The following FRYL variants were observed in gnomAD, a reference collection of about 807,000 sequenced individuals.
The protein encoded by FRYL is FRY like transcription coactivator.
Under a neutral mutation model 351.2 loss-of-function variants are expected in FRYL, and 150 were observed. That is an observed-to-expected ratio of 0.43 (90% CI 0.37 to 0.49). The LOEUF (loss-of-function observed/expected upper bound fraction) is 0.49, where lower values mean the gene tolerates loss of function less well. FRYL is among the 20% of genes least tolerant of loss of function. The probability of loss-of-function intolerance (pLI) is 0.00; values close to 1 mark genes in which losing one functional copy is unlikely to be tolerated. For missense variants in FRYL, 3,036 were observed against 3,619.3 expected (o/e 0.84, Z 4.13); for synonymous variants, 1,153 against 1,257.1 (o/e 0.92, Z 1.75).
At chr4:48,745,353 C>T (rs1210237124) in intron 1 of FRYL, among the ~76,000 whole-genome samples, 1 of 152,128 alleles carries the variant, frequency 6.6e-6, no homozygotes, top group East Asian at 1.9e-4. Flanking sequence ...GGAACCAACC[C>T]AAATGTCCAT....
chr4:48,519,738 CT>C (rs777721981), intron 55 of FRYL, among the ~76,000 whole-genome samples: 24 of 145,310 alleles, frequency 1.7e-4, no homozygotes, highest in Non-Finnish European at 2.6e-4. Context: ...CTCTCTCGCT[CT>C]TTTTTTTTTC....
chr4:48,520,273 TG>T (rs1724627291), intron 55 of FRYL, among the ~76,000 whole-genome samples: 1 of 152,248 alleles, frequency 6.6e-6, no homozygotes, highest in Admixed American at 6.5e-5. Flanking sequence ...AAAATATGTC[TG>T]GTTACTGTTA....
intron 2 of FRYL, among the ~76,000 whole-genome samples, chr4:48,688,712 G>C (rs1248274920): frequency 7.0e-6 from 1 of 142,734 alleles, no homozygotes; most frequent in African/African-American, 2.6e-5. Context: ...TGCCAGGCTG[G>C]AGTACAGTGG....
rs1358127779 is a variant in FRYL at position 48,514,989 on chromosome 4, T to G, written c.7937+39A>C. 7.1e-6 allele frequency: 11 copies of G among 1,558,628 alleles called. 1 individual carries two copies. In the South Asian group the frequency reaches 1.3e-4, roughly 18 times the overall value. On this transcript the variant is annotated intron_variant, in intron 56 of 63. Coordinates refer to ENST00000358350, the MANE Select transcript of FRYL (RefSeq NM_015030.2). Reference sequence around the variant, plus strand: ...TCTTTGGAAGGAATAGGGGAGAGATTATCCCCTCACTACAGTGTTTATGAT... The same window carrying G: ...TCTTTGGAAGGAATAGGGGAGAGATGATCCCCTCACTACAGTGTTTATGAT...
intron 4 of FRYL, among the ~76,000 whole-genome samples, chr4:48,624,237 TA>T (rs933746074): frequency 2.6e-5 from 4 of 152,096 alleles, no homozygotes; most frequent in Admixed American, 6.6e-5. Context: ...CATACCAGAA[TA>T]TTTTTTTTAA....
At chr4:48,607,640 A>ACTC (rs1747142241) in intron 9 of FRYL, among the ~76,000 whole-genome samples, 2 of 151,952 alleles carry the variant, frequency 1.3e-5, no homozygotes, top group South Asian at 4.2e-4. Context: ...CTCCCACTCA[A>ACTC]CCCCACCACC....
intron 1 of FRYL, among the ~76,000 whole-genome samples, chr4:48,778,440 T>G (rs1776255243): frequency 6.6e-6 from 1 of 152,156 alleles, no homozygotes; most frequent in African/African-American, 2.4e-5. Context: ...GGAATGCTAT[T>G]TTTGATAATG....
chr4:48,567,741 T>C lies in FRYL; in HGVS notation c.2997-321A>G, dbSNP rs1417912813. ...ATACAGAGACAGGAGGCATATGAAA[T>C]GGGGAGGATCAGTTTAGAAAAGTAG... is the stretch of plus-strand genomic sequence containing the variant. On this transcript the variant is annotated intron_variant, in intron 27 of 63. Coordinates refer to ENST00000358350, the MANE Select transcript of FRYL (RefSeq NM_015030.2). The surrounding 1 kb of genome is among the most constrained non-coding windows in gnomAD (Gnocchi z 4.2). Among the ~76,000 whole-genome samples, 3 of 152,154 alleles carry C rather than the reference T, an allele frequency of 2.0e-5. No homozygotes were observed. Among genetic ancestry groups the C allele is most frequent in the Admixed American group, 6.5e-5 (1 of 15,284 alleles).
At chr4:48,760,050 T>A (rs1294670786) in intron 1 of FRYL, among the ~76,000 whole-genome samples, 1 of 152,190 alleles carries the variant, frequency 6.6e-6, no homozygotes, top group East Asian at 1.9e-4. Flanking sequence ...ATTTTATATA[T>A]GTAGAATCTA....
At chr4:48,710,728 C>A in intron 1 of FRYL, 30 bp from the exon 2 acceptor site, 1 of 396,604 alleles carries the variant, frequency 2.5e-6, no homozygotes, top group Non-Finnish European at 4.4e-6. Context: ...GAAATATGGT[C>A]ATCACTAACA....
chr4:48,614,157 T>C (rs1365214377), intron 7 of FRYL, among the ~76,000 whole-genome samples: 4 of 152,024 alleles, frequency 2.6e-5, no homozygotes, highest in African/African-American at 9.7e-5. Context: ...GTTCTAAAAA[T>C]TTTACTTTAA....
At chr4:48,693,565 A>G (rs560073811) in intron 2 of FRYL, among the ~76,000 whole-genome samples, 1 of 152,276 alleles carries the variant, frequency 6.6e-6, no homozygotes, top group South Asian at 2.1e-4. Context: ...AAATATTAAA[A>G]TAACAATCAT....
At chr4:48,750,180 G>T (rs1448328518) in intron 1 of FRYL, among the ~76,000 whole-genome samples, 1 of 150,334 alleles carries the variant, frequency 6.7e-6, no homozygotes, top group African/African-American at 2.4e-5. Context: ...AAAGGAAGAG[G>T]CTGGGCTTAG....
chr4:48,535,941 T>A, intron 47 of FRYL, 114 bp from the exon 48 acceptor site: 1 of 807,262 alleles, frequency 1.2e-6, no homozygotes. Context: ...TTGGTTTTAA[T>A]GCATTTTACT....
rs1384441335 is a variant in FRYL, at chr4:48,540,742, T to C, written c.5906A>G (p.His1969Arg). Residue 1969 changes from histidine (H) to arginine (R), a missense_variant, in exon 46 of 64, where the codon CAT (histidine) becomes CGT (arginine). By Grantham distance (29) the His-to-Arg change is conservative. Coordinates refer to ENST00000358350, the MANE Select transcript of FRYL (RefSeq NM_015030.2). Reference protein sequence around the residue: ...TLDIMDGRINHSSSLARTRSL... With the variant: ...TLDIMDGRINRSSSLARTRSL... ...TCTAGTCCTTGCTAAACTACTGCTA[T>C]GGTTTATCCGTCCATCCATTATATC... The C allele has an allele frequency of 1.2e-6, 2 of 1,613,952 alleles. No individual in the cohort carries two copies. Among genetic ancestry groups the C allele is most frequent in the East Asian group, 4.5e-5 (2 of 44,898 alleles).
intron 33 of FRYL, among the ~76,000 whole-genome samples, chr4:48,559,518 C>T (rs1298748562): frequency 1.4e-5 from 1 of 73,990 alleles, no homozygotes; most frequent in Non-Finnish European, 2.4e-5. Flanking sequence ...ACAGCCAGAT[C>T]CTCTCTCTCC....
intron 1 of FRYL, among the ~76,000 whole-genome samples, chr4:48,753,843 A>T (rs1439895052): frequency 6.6e-6 from 1 of 152,102 alleles, no homozygotes; most frequent in African/African-American, 2.4e-5. Context: ...ATTCTTTTGC[A>T]TGTGGAAATC....
chr4:48,723,613 T>C (rs1408703615), intron 1 of FRYL, among the ~76,000 whole-genome samples: 1 of 152,150 alleles, frequency 6.6e-6, no homozygotes, highest in Non-Finnish European at 1.5e-5. Flanking sequence ...ACAAGTTCTG[T>C]CAACCCTATT....
At chr4:48,623,711 A>C (rs558615340) in intron 4 of FRYL, among the ~76,000 whole-genome samples, 1 of 152,252 alleles carries the variant, frequency 6.6e-6, no homozygotes, top group Admixed American at 6.5e-5. Context: ...CGGTTGTCAA[A>C]TACTGGTATC....
Sources: gnomAD v4.1 joint callset for allele counts (sites outside exome capture counted in the v4.1 genomes callset) on GRCh38, gnomAD v4.1.1 for gene constraint, Gnocchi (gnomAD v3.1) non-coding constraint, MANE v1.5 for transcripts, NCBI Gene and HGNC (gene_info 2026-07-23, HGNC 2026-07-21) for gene names.